APCDD1: variants seen among roughly 807,000 people sequenced by gnomAD.
APCDD1 encodes the protein APC down-regulated 1.
Under a neutral mutation model 38.1 loss-of-function variants are expected in APCDD1, and 15 were observed. That is an observed-to-expected ratio of 0.39 (90% confidence interval 0.26 to 0.61). The LOEUF (loss-of-function observed/expected upper bound fraction) is 0.61. APCDD1 is among the 20% of genes least tolerant of loss of function. The pLI, the probability that APCDD1 is intolerant of heterozygous loss-of-function variation, is 0.49. For missense variants in APCDD1, 647 were observed against 696.2 expected (o/e 0.93, Z 0.79); for synonymous variants, 261 against 279.7 (o/e 0.93, Z 0.67).
In APCDD1 at chr18:10,485,400, A is replaced by C. The variant is rs920498860; in HGVS notation, c.775-62A>C. 3 of 1,586,124 alleles carry C rather than the reference A, an allele frequency of 1.9e-6. No individual in the cohort carries two copies. Among genetic ancestry groups the C allele is most frequent in the East Asian group, 4.5e-5 (2 of 44,774 alleles). ...TGGTGAGACCCCATTTGCCGGAAGC[A>C]TGTGTGCACTGCTCCCTTGGGAAGA... On this transcript the variant is annotated intron_variant, in intron 3 of 4. Coordinates refer to ENST00000355285, the MANE Select transcript of APCDD1 (RefSeq NM_153000.5). The surrounding 1 kb of genome is among the most constrained non-coding windows in gnomAD (Gnocchi z 5.8).
In APCDD1 at chr18:10,488,066, A is replaced by T. The variant is rs748205764; in HGVS notation, c.*28A>T. On this transcript the variant is annotated 3_prime_UTR_variant, in exon 5 of 5. Transcript: ENST00000355285. ...GTTTTAGAAAGTTCTATTTTTCCAA[A>T]CCAGGATTCCTTACTATTGACAGAT... 5.4e-5 allele frequency: 87 copies of T among 1,611,318 alleles called. No individual in the cohort carries two copies. Among genetic ancestry groups the T allele is most frequent in the Non-Finnish European group, 7.3e-5 (86 of 1,179,712 alleles).
rs1448686079 is a variant in APCDD1, at chr18:10,471,949, A to G, written c.662A>G (p.His221Arg). ...CGGGTGGAGAAGCAGTACCTTCACC[A>G]CAACCTCGACCACCTGGTCGAGGAG... is the stretch of plus-strand genomic sequence containing the variant. ...LIRVEKQYLH[H>R]NLDHLVEELF... Residue 221 changes from histidine to arginine, a missense_variant, in exon 3 of 5, where the codon CAC (histidine) becomes CGC (arginine). His to Arg is a conservative substitution (Grantham distance 29). Transcript: ENST00000355285. This position sits in a 1 kb window ranked among gnomAD's most constrained non-coding sequence, Gnocchi z 5.5. 2 of 1,613,968 alleles carry G rather than the reference A, an allele frequency of 1.2e-6. No homozygotes were observed. The highest frequency in any genetic ancestry group is 3.3e-5 in the Admixed American group (2 of 60,004).
chr18:10,471,997 C>T lies in APCDD1; in HGVS notation c.710C>T (p.Thr237Ile). 4.3e-6 allele frequency: 7 copies of T among 1,614,004 alleles called. No individual in the cohort carries two copies. Among genetic ancestry groups the T allele is most frequent in the Non-Finnish European group, 5.9e-6 (7 of 1,180,040 alleles). ...VEELFLGDIH[T>I]DATQRMFYRP... Reference sequence around the variant, plus strand: ...GAGCTCTTCCTTGGTGACATTCACACTGATGCCACCCAGAGGATGTTCTAC... The same window carrying T: ...GAGCTCTTCCTTGGTGACATTCACATTGATGCCACCCAGAGGATGTTCTAC... Residue 237 changes from threonine (T) to isoleucine (I), a missense_variant, in exon 3 of 5, where the codon ACT becomes ATT. Physicochemically the swap from Thr to Ile is moderately conservative, Grantham distance 89. Coordinates refer to ENST00000355285, the MANE Select transcript of APCDD1 (RefSeq NM_153000.5). This position sits in a 1 kb window ranked among gnomAD's most constrained non-coding sequence, Gnocchi z 5.5.
chr18:10,487,750 C>T lies in APCDD1; in HGVS notation c.1257C>T (p.His419=), dbSNP rs199677361. ...TGGCCCTGGGCATCAAACTACCTCA[C>T]ACGGAGTACGAGATCTTCAAAATGG... is the stretch of plus-strand genomic sequence containing the variant. ...GCVALGIKLP[H]TEYEIFKMEQ... Residue 419 remains histidine (H), a synonymous_variant, in exon 5 of 5, where the codon CAC becomes CAT. Coordinates refer to ENST00000355285, the MANE Select transcript of APCDD1 (RefSeq NM_153000.5). The T allele has an allele frequency of 1.4e-4, 223 of 1,614,066 alleles. No homozygotes were observed. The highest frequency in any genetic ancestry group is 1.8e-4 in the Non-Finnish European group (214 of 1,180,048).
intron 1 of APCDD1, 53 bp downstream of exon 1, chr18:10,455,092 C>T: frequency 6.5e-7 from 1 of 1,544,064 alleles, no homozygotes; most frequent in Non-Finnish European, 8.7e-7. Context: ...GCAGCCCGGG[C>T]GCCGCGGAGC....
chr18:10,479,235 T>C (rs1165239718), intron 3 of APCDD1, among the ~76,000 whole-genome samples: 1 of 152,198 alleles, frequency 6.6e-6, no homozygotes, highest in Non-Finnish European at 1.5e-5. Context: ...CATTTGTGTG[T>C]TTTTTATCCG....
rs200082076 is a variant in APCDD1 at position 10,487,825 on chromosome 18, C to T, written c.1332C>T (p.Ser444=). The T allele has an allele frequency of 1.4e-5, 22 of 1,613,992 alleles. No individual in the cohort carries two copies. The highest frequency in any genetic ancestry group is 1.7e-5 in the Non-Finnish European group (20 of 1,180,046). ...RYLLFNGQRP[S]DGSSPDRPEK... is the part of the protein sequence containing the mutation. Reference sequence around the variant, plus strand: ...TGCTGTTCAACGGTCAGAGGCCCAGCGACGGGTCCAGCCCAGACAGGCCAG... The same window carrying T: ...TGCTGTTCAACGGTCAGAGGCCCAGTGACGGGTCCAGCCCAGACAGGCCAG... The change falls in exon 5 of 5, where the codon AGC becomes AGT. Residue 444 remains serine (S), a synonymous_variant. Transcript: ENST00000355285.
Position 10,475,559 on chromosome 18 carries a change from G to A in APCDD1, c.774+3498G>A, listed in dbSNP as rs2030970904. 6.6e-6 allele frequency among the ~76,000 whole-genome samples: 1 copy of A among 152,020 alleles called. No homozygotes were observed. Among genetic ancestry groups the A allele is most frequent in the African/African-American group, 2.4e-5 (1 of 41,394 alleles). ...CTGCCTCAGAGGAAGTGACAGAGTTGTCTATCTGGGATTGTCGGACAGAGA... is the reference window on the plus strand; with the variant it reads ...CTGCCTCAGAGGAAGTGACAGAGTTATCTATCTGGGATTGTCGGACAGAGA... On this transcript the variant is annotated intron_variant, in intron 3 of 4. Coordinates refer to ENST00000355285, the MANE Select transcript of APCDD1 (RefSeq NM_153000.5). This position sits in a 1 kb window ranked among gnomAD's most constrained non-coding sequence, Gnocchi z 4.0.
chr18:10,484,369 G>C (rs1403338058), intron 3 of APCDD1, among the ~76,000 whole-genome samples: 1 of 152,130 alleles, frequency 6.6e-6, no homozygotes, highest in Non-Finnish European at 1.5e-5. Context: ...TGGAGCGCTG[G>C]CCTTTTTATT....
chr18:10,471,459 A>C lies in APCDD1; in HGVS notation c.243-71A>C. 1 of 1,587,112 alleles carries C rather than the reference A, an allele frequency of 6.3e-7. No individual in the cohort carries two copies. The highest frequency in any genetic ancestry group is 8.6e-7 in the Non-Finnish European group (1 of 1,157,540). ...TTTATTATTATTTCTGTAATTTCTT[A>C]ATACTATAATGAATCTCTTTCCCAT... On this transcript the variant is annotated intron_variant, in intron 2 of 4. Transcript: ENST00000355285. The surrounding 1 kb of genome is among the most constrained non-coding windows in gnomAD (Gnocchi z 5.5).
chr18:10,486,695 TG>T (rs1256367050), intron 4 of APCDD1, among the ~76,000 whole-genome samples: 1 of 113,552 alleles, frequency 8.8e-6, no homozygotes, highest in Non-Finnish European at 1.8e-5. Context: ...TTTAAAAGGT[TG>T]CTTTTTTTTT....
Position 10,454,995 on chromosome 18 carries a change from G to A in APCDD1, c.14G>A (p.Arg5His), listed in dbSNP as rs866702634. The A allele has an allele frequency of 1.3e-6, 2 of 1,556,150 alleles. No individual in the cohort carries two copies. The highest frequency in any genetic ancestry group is 1.7e-6 in the Non-Finnish European group (2 of 1,150,496). ...GCAGGACTGGAAATGTCCTGGCCGC[G>A]CCGCCTCCTGCTCAGATACCTGTTC... is the stretch of plus-strand genomic sequence containing the variant. MSWP[R>H]RLLLRYLFPA... Residue 5 changes from arginine (R) to histidine (H), a missense_variant, in exon 1 of 5, where the codon CGC (arginine) becomes CAC (histidine). Arg to His is a conservative substitution (Grantham distance 29, BLOSUM62 0). Transcript: ENST00000355285.
rs2031306950 is a variant in APCDD1, at chr18:10,488,654, T to C, written c.*616T>C. 2 of 152,332 alleles carry C rather than the reference T, an allele frequency of 1.3e-5. No individual in the cohort carries two copies. Among genetic ancestry groups the C allele is most frequent in the Non-Finnish European group, 2.9e-5 (2 of 68,132 alleles). The allele number at this position is 152,332 out of a possible 1,614,324, so 9.4% of individuals were successfully genotyped here. A position where few individuals can be genotyped will look rare whatever the true frequency, so the allele number is the denominator to read the frequency against. On this transcript the variant is annotated 3_prime_UTR_variant, in exon 5 of 5. Coordinates refer to ENST00000355285, the MANE Select transcript of APCDD1 (RefSeq NM_153000.5). ...AATCAAAGCTTTCATTTCAGAAATG[T>C]TGCGTGGAAAAGTATCTGTAATTAA...
chr18:10,482,852 T>G (rs73942648), intron 3 of APCDD1, among the ~76,000 whole-genome samples: 6,236 of 152,288 alleles, frequency 0.041, 392 homozygotes, highest in African/African-American at 0.14. Context: ...CTTTACCCCA[T>G]AGTAGTTGAC....
chr18:10,459,129 T>C, intron 1 of APCDD1, among the ~76,000 whole-genome samples: 1 of 152,232 alleles, frequency 6.6e-6, no homozygotes, highest in Admixed American at 6.5e-5. Flanking sequence ...GAGGGCCTAC[T>C]ATGTGCCAAG....
intron 4 of APCDD1, among the ~76,000 whole-genome samples, chr18:10,487,136 A>T (rs181560144): frequency 1.8e-3 from 280 of 152,358 alleles, no homozygotes; most frequent in Admixed American, 2.3e-3. Context: ...AATGCCAACC[A>T]GAATAGGTGT....
At chr18:10,461,797 A>T (rs480588) in intron 1 of APCDD1, among the ~76,000 whole-genome samples, 82,473 of 152,080 alleles carry the variant, frequency 0.54, 22,775 homozygotes, top group African/African-American at 0.65. Flanking sequence ...ATCTTAGTGA[A>T]TGGGAACTCC....
rs919459721 is a variant in APCDD1, at chr18:10,485,971, G to A, written c.1096+188G>A. ...TCTCCCTGCTCAAAATGGATCAGGT[G>A]GACAGCCTCCACTTGCAGGCCTGAA... is the stretch of plus-strand genomic sequence containing the variant. On this transcript the variant is annotated intron_variant, in intron 4 of 4. Transcript: ENST00000355285. This position sits in a 1 kb window ranked among gnomAD's most constrained non-coding sequence, Gnocchi z 5.8. 6.6e-6 allele frequency among the ~76,000 whole-genome samples: 1 copy of A among 152,196 alleles called. No individual in the cohort carries two copies. The highest frequency in any genetic ancestry group is 2.4e-5 in the African/African-American group (1 of 41,442).
intron 1 of APCDD1, among the ~76,000 whole-genome samples, chr18:10,461,205 C>A (rs955241444): frequency 6.6e-6 from 1 of 152,124 alleles, no homozygotes; most frequent in Non-Finnish European, 1.5e-5. Context: ...CCGAGCCCTC[C>A]AGAGCTCCAG....
Sources: allele counts gnomAD v4.1 joint callset (sites outside exome capture counted in the v4.1 genomes callset), GRCh38; gene constraint gnomAD v4.1.1; non-coding constraint Gnocchi (gnomAD v3.1); transcripts MANE v1.5; gene names NCBI Gene and HGNC (gene_info 2026-07-23, HGNC 2026-07-21).